Variants in AMBRA1 observed in about 807,000 individuals in gnomAD.
The protein encoded by AMBRA1 is autophagy and beclin 1 regulator 1.
A neutral mutation model predicts 125.4 loss-of-function variants in AMBRA1; 47 were observed. The ratio of observed to expected loss-of-function variants is 0.37; its 90% CI spans 0.30 to 0.48. AMBRA1 has a LOEUF of 0.48. Ranked by LOEUF, AMBRA1 falls within the 20% of genes least tolerant of loss-of-function variation. AMBRA1 has a pLI of 0.99. For missense variants in AMBRA1, 1,331 were observed against 1,693.4 expected, an observed-to-expected ratio of 0.79 and a Z score of 3.76; for synonymous variants, 626 against 655.5, an observed-to-expected ratio of 0.95 and a Z score of 0.69.
chr11:46,413,756 G>A (rs1308906059), intron 15 of AMBRA1, among the ~76,000 whole-genome samples: 1 of 152,204 alleles, frequency 6.6e-6, no homozygotes, highest in East Asian at 1.9e-4. Context: ...CTCCCAAAGT[G>A]CTGGGATTAC....
intron 11 of AMBRA1, among the ~76,000 whole-genome samples, chr11:46,452,503 C>T (rs933897850): frequency 1.9e-4 from 29 of 152,234 alleles, no homozygotes; most frequent in African/African-American, 6.3e-4. Context: ...TAACTTTTCT[C>T]TTATGGATTA....
intron 1 of AMBRA1, among the ~76,000 whole-genome samples, chr11:46,573,532 T>C (rs2043842426): frequency 6.6e-6 from 1 of 152,192 alleles, no homozygotes; most frequent in Non-Finnish European, 1.5e-5. Context: ...TTTGACATAA[T>C]TTCCAGACTG....
chr11:46,579,027 A>AT (rs1329926833), intron 1 of AMBRA1, among the ~76,000 whole-genome samples: 7 of 149,316 alleles, frequency 4.7e-5, no homozygotes, highest in Non-Finnish European at 1.0e-4. Flanking sequence ...TATAGCAACA[A>AT]TGACCACAAG....
At chr11:46,565,830 A>C (rs2043509026) in intron 1 of AMBRA1, among the ~76,000 whole-genome samples, 1 of 151,906 alleles carries the variant, frequency 6.6e-6, no homozygotes, top group Admixed American at 6.6e-5. Context: ...AGTGGGTAGC[A>C]TGACCAATCT....
intron 1 of AMBRA1, among the ~76,000 whole-genome samples, chr11:46,563,831 C>A (rs71474183): frequency 7.7e-6 from 1 of 130,002 alleles, no homozygotes; most frequent in African/African-American, 3.0e-5. Flanking sequence ...GGCAACAAAG[C>A]GAGACTGTCT....
At chr11:46,526,423 G>C (rs1028009361) in intron 7 of AMBRA1, among the ~76,000 whole-genome samples, 1 of 151,128 alleles carries the variant, frequency 6.6e-6, no homozygotes, top group Non-Finnish European at 1.5e-5. Flanking sequence ...CGTTTTAAGA[G>C]AACTGGCAGG....
chr11:46,592,292 A>G (rs1317666306), intron 1 of AMBRA1, among the ~76,000 whole-genome samples: 1 of 152,032 alleles, frequency 6.6e-6, no homozygotes, highest in African/African-American at 2.4e-5. Context: ...ATGGTACTGA[A>G]TCCGATGAAA....
chr11:46,433,717 A>G, intron 13 of AMBRA1, 89 bp from the exon 14 acceptor site: 1 of 1,362,888 alleles, frequency 7.3e-7, no homozygotes, highest in South Asian at 1.4e-5. Context: ...CTTTTTCTCT[A>G]ATCTTCATAT....
chr11:46,428,312 C>T (rs1040140450), intron 14 of AMBRA1, among the ~76,000 whole-genome samples: 1 of 152,060 alleles, frequency 6.6e-6, no homozygotes, highest in Non-Finnish European at 1.5e-5. Flanking sequence ...CACATGGCCA[C>T]AAAGAAAAAG....
intron 1 of AMBRA1, among the ~76,000 whole-genome samples, chr11:46,572,098 C>G (rs1202062639): frequency 6.6e-6 from 1 of 152,064 alleles, no homozygotes; most frequent in East Asian, 1.9e-4. Flanking sequence ...GTCAAGAGAT[C>G]GAGACCATCC....
intron 11 of AMBRA1, among the ~76,000 whole-genome samples, chr11:46,449,025 C>A (rs985247533): frequency 6.6e-6 from 1 of 152,050 alleles, no homozygotes; most frequent in African/African-American, 2.4e-5. Flanking sequence ...GAAATTGTAC[C>A]AGTTCTCTAA....
chr11:46,583,677 A>AAAAAAAAAAAAAAC (rs1565324615), intron 1 of AMBRA1, among the ~76,000 whole-genome samples: 19 of 143,896 alleles, frequency 1.3e-4, no homozygotes, highest in African/African-American at 5.1e-4. Context: ...AAAAAAAAAA[A>AAAAAAAAAAAAAAC]AACAACAAAA....
intron 1 of AMBRA1, among the ~76,000 whole-genome samples, chr11:46,585,260 C>T (rs957415052): frequency 1.3e-5 from 2 of 151,932 alleles, no homozygotes; most frequent in African/African-American, 4.8e-5. Flanking sequence ...GACCTTTGTT[C>T]ACTTGTTTAT....
At chr11:46,459,991 G>A (rs1949028136) in intron 11 of AMBRA1, among the ~76,000 whole-genome samples, 1 of 152,122 alleles carries the variant, frequency 6.6e-6, no homozygotes, top group East Asian at 1.9e-4. Context: ...CCTTTCACAT[G>A]TTTAAGAAGT....
At chr11:46,487,095 G>A (rs994432069) in intron 11 of AMBRA1, among the ~76,000 whole-genome samples, 2 of 151,322 alleles carry the variant, frequency 1.3e-5, no homozygotes, top group Non-Finnish European at 2.9e-5. Flanking sequence ...CCATCTCTAC[G>A]AAAAGTACAA....
chr11:46,527,127 A>G (rs1952006212), intron 7 of AMBRA1, among the ~76,000 whole-genome samples: 1 of 152,146 alleles, frequency 6.6e-6, no homozygotes, highest in Admixed American at 6.5e-5. Flanking sequence ...CTCCCTTTCA[A>G]TGTAGAAAAT....
chr11:46,533,547 C>T (rs1952317667), intron 7 of AMBRA1, among the ~76,000 whole-genome samples: 1 of 152,104 alleles, frequency 6.6e-6, no homozygotes, highest in South Asian at 2.1e-4. Context: ...TTTGTTCAAC[C>T]GTTCATCAGC....
At chr11:46,471,905 C>T (rs188319029) in intron 11 of AMBRA1, among the ~76,000 whole-genome samples, 32 of 152,188 alleles carry the variant, frequency 2.1e-4, no homozygotes, top group Middle Eastern at 3.4e-3. Context: ...GGATTACAGG[C>T]GTGAGCCACC....
At chr11:46,519,584 A>C (rs781584073) in intron 7 of AMBRA1, among the ~76,000 whole-genome samples, 1 of 152,224 alleles carries the variant, frequency 6.6e-6, no homozygotes, top group Non-Finnish European at 1.5e-5. Context: ...TGGCTCCCAG[A>C]AGGTAAGGTG....
Sources: allele counts gnomAD v4.1 joint callset (sites outside exome capture counted in the v4.1 genomes callset), GRCh38; gene constraint gnomAD v4.1.1; transcripts MANE v1.5; gene names NCBI Gene and HGNC (gene_info 2026-07-23, HGNC 2026-07-21).